Variants in CAPN10 observed in about 807,000 individuals in gnomAD.
CAPN10 encodes the protein calpain-10.
CAPN10 carries 71 observed loss-of-function variants against 78.4 expected under a neutral mutation model. The ratio of observed to expected loss-of-function variants is 0.91; its 90% confidence interval spans 0.75 to 1.10. The LOEUF (loss-of-function observed/expected upper bound fraction) is 1.10, where lower values mean the gene tolerates loss of function less well. Among genes scored for constraint, CAPN10 ranks in the 50% least tolerant of loss-of-function variants. The probability of loss-of-function intolerance (pLI) is 0.00; values close to 1 mark genes in which losing one functional copy is unlikely to be tolerated. For missense variants in CAPN10, 849 were observed against 924.6 expected (o/e 0.92, Z 1.06); for synonymous variants, 437 against 407.2 (o/e 1.07, Z -0.88).
chr2:240,597,840 C>G (rs1157248555), intron 9 of CAPN10, 48 bp from the exon 10 acceptor site: 1 of 1,516,508 alleles, frequency 6.6e-7, no homozygotes, highest in Non-Finnish European at 8.9e-7. Context: ...GGGCTGGGCT[C>G]CCTACCCCAA....
In CAPN10 at chr2:240,596,702, G is replaced by T; in HGVS notation, c.1503G>T (p.Lys501Asn). ...VSLSAIRAVA[K>N]NTTPGAALPA... Reference sequence around the variant, plus strand: ...GCAGCGCCATCAGGGCAGTGGCCAAGAACACCACCCCCGGGGCAGCCCTGC... The same window carrying T: ...GCAGCGCCATCAGGGCAGTGGCCAATAACACCACCCCCGGGGCAGCCCTGC... Residue 501 changes from lysine (K) to asparagine (N), a missense_variant, in exon 9 of 12, where the codon AAG becomes AAT. Physicochemically the swap from Lys to Asn is moderately conservative, Grantham distance 94. Transcript: ENST00000391984. The T allele has an allele frequency of 6.4e-7, 1 of 1,560,580 alleles. No individual in the cohort carries two copies. Among genetic ancestry groups the T allele is most frequent in the South Asian group, 1.2e-5 (1 of 82,054 alleles).
intron 10 of CAPN10, 36 bp downstream of exon 10, chr2:240,598,123 GCT>G: frequency 1.3e-6 from 2 of 1,571,144 alleles, no homozygotes; most frequent in African/African-American, 2.7e-5. Flanking sequence ...CCAGCTGGAG[GCT>G]GGGGTGCTGG....
At chr2:240,594,941 CT>C in intron 6 of CAPN10, 82 bp from the exon 7 acceptor site, 4 of 1,476,918 alleles carry the variant, frequency 2.7e-6, no homozygotes, top group Non-Finnish European at 2.8e-6. Flanking sequence ...TGCTTAGACC[CT>C]GCCAGGGTTC....
chr2:240,589,547 G>C, intron 2 of CAPN10, 73 bp downstream of exon 2: 2 of 1,526,220 alleles, frequency 1.3e-6, no homozygotes, highest in South Asian at 2.6e-5. Flanking sequence ...CTGAGTACCA[G>C]GAGGCCTTGC....
Position 240,597,902 on chromosome 2 carries a change from A to G in CAPN10, c.1758A>G (p.Gly586=). Residue 586 remains glycine, a synonymous_variant, in exon 10 of 12, where the codon GGA becomes GGG. Coordinates refer to ENST00000391984, the MANE Select transcript of CAPN10 (RefSeq NM_023083.4). ...GCTTTCCTCAGGTCCCAGAGGGTGG[A>G]AGGAGCCAGGACGCACCCCCACTGC... ...GFHIFQVPEG[G]RSQDAPPLLL... 1 of 1,603,926 alleles carries G rather than the reference A, an allele frequency of 6.2e-7. No homozygotes were observed. Among genetic ancestry groups the G allele is most frequent in the Non-Finnish European group, 8.5e-7 (1 of 1,176,314 alleles).
At chr2:240,595,968 C>G (rs1559426529) in intron 7 of CAPN10, 7 of 1,372,832 alleles carry the variant, frequency 5.1e-6, no homozygotes, top group Non-Finnish European at 6.8e-6. Flanking sequence ...TTCCCTGTCC[C>G]TTCATGGATG....
At chr2:240,594,105 G>C in intron 5 of CAPN10, 58 bp downstream of exon 5, 1 of 1,494,182 alleles carries the variant, frequency 6.7e-7, no homozygotes, top group Non-Finnish European at 9.0e-7. Flanking sequence ...TGCCAGTCTG[G>C]CCTGTGTCCT....
At chr2:240,591,517 C>G (rs1195319030) in intron 3 of CAPN10, 2 of 255,806 alleles carry the variant, frequency 7.8e-6, no homozygotes, top group African/African-American at 4.4e-5. Context: ...ACTGGACTGA[C>G]AGGCAGGCAG....
intron 3 of CAPN10, chr2:240,591,692 T>G (rs1471551503): frequency 1.1e-5 from 6 of 567,852 alleles, no homozygotes; most frequent in Non-Finnish European, 1.9e-5. Context: ...CCACACCGGA[T>G]GCCAGAGAGT....
At chr2:240,597,137 T>C (rs2093142138) in intron 9 of CAPN10, among the ~76,000 whole-genome samples, 195 bp downstream of exon 9, 1 of 152,244 alleles carries the variant, frequency 6.6e-6, no homozygotes, top group Non-Finnish European at 1.5e-5. Context: ...GAAGATGGCC[T>C]CTGGAAGGGC....
At chr2:240,597,032 T>A in intron 9 of CAPN10, 90 bp downstream of exon 9, 2 of 1,520,056 alleles carry the variant, frequency 1.3e-6, no homozygotes, top group Non-Finnish European at 1.8e-6. Context: ...CAGAGGGCTC[T>A]GGGCTCAGTC....
At chr2:240,592,239 G>GGCTGTGTAGCCAGTCA in intron 4 of CAPN10, 89 bp downstream of exon 4, 1 of 1,127,886 alleles carries the variant, frequency 8.9e-7, no homozygotes, top group Non-Finnish European at 1.3e-6. Flanking sequence ...TATGTGACTG[G>GGCTGTGTAGCCAGTCA]CTACACAGCC....
chr2:240,598,206 C>G, intron 10 of CAPN10, 119 bp downstream of exon 10: 1 of 1,356,136 alleles, frequency 7.4e-7, no homozygotes. Context: ...TCTGTCCTGG[C>G]AGACCAGGGC....
In CAPN10 at chr2:240,586,969, C is replaced by T; in HGVS notation, c.58C>T (p.Pro20Ser). The T allele has an allele frequency of 6.7e-7, 1 of 1,482,396 alleles. No individual in the cohort carries two copies. The highest frequency in any genetic ancestry group is 9.0e-7 in the Non-Finnish European group (1 of 1,116,256). 91.8% of individuals were successfully genotyped at this position (1,482,396 alleles called of 1,614,324 possible). A position where few individuals can be genotyped will look rare whatever the true frequency, so the allele number is the denominator to read the frequency against. ...ARELFRDAAF[P>S]AADSSLFCDL... ...GGAGCTGTTCCGGGACGCCGCCTTC[C>T]CCGCCGCGGACTCCTCGCTCTTCTG... Residue 20 changes from proline (P) to serine (S), a missense_variant, in exon 1 of 12, where the codon CCC becomes TCC. Coordinates refer to ENST00000391984, the MANE Select transcript of CAPN10 (RefSeq NM_023083.4).
At position 240,598,938 on chromosome 2, in the gene CAPN10, C is replaced by T; in HGVS notation, c.*258C>T. On this transcript the variant is annotated 3_prime_UTR_variant, in exon 12 of 12. Coordinates refer to ENST00000391984, the MANE Select transcript of CAPN10 (RefSeq NM_023083.4). ...GTTGCGCCACTGAGACGGCAGAGACCCCAGGATCCCAGAGCTTCCCAGGAT... is the reference window on the plus strand; with the variant it reads ...GTTGCGCCACTGAGACGGCAGAGACTCCAGGATCCCAGAGCTTCCCAGGAT... 3 of 562,530 alleles carry T rather than the reference C, an allele frequency of 5.3e-6. No individual in the cohort carries two copies. The highest frequency in any genetic ancestry group is 4.8e-5 in the South Asian group (2 of 41,912). 34.8% of individuals were successfully genotyped at this position (562,530 alleles called of 1,614,324 possible). A position where few individuals can be genotyped will look rare whatever the true frequency, so the allele number is the denominator to read the frequency against.
intron 9 of CAPN10, 76 bp from the exon 10 acceptor site, chr2:240,597,812 A>T: frequency 7.6e-7 from 1 of 1,308,142 alleles, no homozygotes; most frequent in Non-Finnish European, 1.1e-6. Context: ...GGCCAAGGGC[A>T]TCCGAGCAGA....
rs1349956538 is a variant in CAPN10 at position 240,597,963 on chromosome 2, C to T, written c.1819C>T (p.Arg607Cys). 28 of 1,612,900 alleles carry T rather than the reference C, an allele frequency of 1.7e-5. No homozygotes were observed. Among genetic ancestry groups the T allele is most frequent in the Admixed American group, 6.7e-5 (4 of 59,984 alleles). Reference protein sequence around the residue: ...QEPLLSCVPHRYAQEVSRLCL... With the variant: ...QEPLLSCVPHCYAQEVSRLCL... ...GCCGCTGCTGAGCTGCGTGCCACATCGCTACGCCCAGGAGGTGAGCCGGCT... is the reference window on the plus strand; with the variant it reads ...GCCGCTGCTGAGCTGCGTGCCACATTGCTACGCCCAGGAGGTGAGCCGGCT... Residue 607 changes from arginine to cysteine, a missense_variant, in exon 10 of 12, where the codon CGC becomes TGC. Coordinates refer to ENST00000391984, the MANE Select transcript of CAPN10 (RefSeq NM_023083.4).
At chr2:240,594,457 C>T (rs1179091801) in intron 5 of CAPN10, 86 bp from the exon 6 acceptor site, 15 of 1,376,284 alleles carry the variant, frequency 1.1e-5, no homozygotes, top group Non-Finnish European at 1.3e-5. Context: ...CTCTCTGGGT[C>T]CCCTCCAGGC....
Position 240,591,934 on chromosome 2 carries a change from G to T in CAPN10, c.472G>T (p.Val158Phe), listed in dbSNP as rs1415807482. 2 of 1,612,500 alleles carry T rather than the reference G, an allele frequency of 1.2e-6. No homozygotes were observed. The highest frequency in any genetic ancestry group is 1.7e-6 in the Non-Finnish European group (2 of 1,179,622). ...TCCCATGGTGATTGTGTCCCCTAGGGTCCATGGGTCCTACGAGCACCTGTG... is the reference window on the plus strand; with the variant it reads ...TCCCATGGTGATTGTGTCCCCTAGGTTCCATGGGTCCTACGAGCACCTGTG... Reference protein sequence around the residue: ...LPLLEKVYAKVHGSYEHLWAG... With the variant: ...LPLLEKVYAKFHGSYEHLWAG... The change falls in exon 4 of 12, where the codon GTC becomes TTC. Residue 158 changes from valine to phenylalanine, a missense_variant and splice_region_variant. Coordinates refer to ENST00000391984, the MANE Select transcript of CAPN10 (RefSeq NM_023083.4).
Sources: gnomAD v4.1 joint callset for allele counts (sites outside exome capture counted in the v4.1 genomes callset) on GRCh38, gnomAD v4.1.1 for gene constraint, MANE v1.5 for transcripts, NCBI Gene and HGNC (gene_info 2026-07-23, HGNC 2026-07-21) for gene names.